SPARC: variants seen among roughly 807,000 people sequenced by gnomAD.
SPARC encodes the protein basement-membrane protein 40.
A neutral mutation model predicts 37.7 loss-of-function variants in SPARC; 23 were observed. That is an observed-to-expected ratio of 0.61 (90% CI 0.44 to 0.87). SPARC has a LOEUF of 0.87. SPARC is among the 40% of genes least tolerant of loss of function. The pLI is 0.00. For synonymous variants in SPARC, 155 were observed against 150.8 expected (o/e 1.03, Z -0.20); for missense variants, 312 against 389.0 (o/e 0.80, Z 1.66).
intron 7 of SPARC, among the ~76,000 whole-genome samples, chr5:151,666,975 G>A (rs2113087179): frequency 6.6e-6 from 1 of 152,314 alleles, no homozygotes; most frequent in Non-Finnish European, 1.5e-5. Context: ...AGTGAACCGA[G>A]ATCGCACCAC....
intron 1 of SPARC, among the ~76,000 whole-genome samples, chr5:151,677,817 CAG>C (rs1320826873): frequency 6.6e-6 from 1 of 152,158 alleles, no homozygotes; most frequent in Non-Finnish European, 1.5e-5. Context: ...CCCTATTGCA[CAG>C]AGTGAATGAA....
intron 1 of SPARC, among the ~76,000 whole-genome samples, chr5:151,683,152 G>C (rs1448125217): frequency 6.6e-6 from 1 of 152,166 alleles, no homozygotes. Context: ...AGGTCCTCAG[G>C]GTTGCTGAAA....
chr5:151,675,033 T>A (rs1400102539), intron 2 of SPARC, among the ~76,000 whole-genome samples: 1 of 152,234 alleles, frequency 6.6e-6, no homozygotes, highest in Non-Finnish European at 1.5e-5. Flanking sequence ...CCAGAGGGGA[T>A]GACACTGTGA....
chr5:151,664,318 G>GCCC lies in SPARC; in HGVS notation c.735-86_735-84dup, dbSNP rs1270681458. On this transcript the variant is annotated intron_variant, in intron 8 of 9. Coordinates refer to ENST00000231061, the MANE Select transcript of SPARC (RefSeq NM_003118.4). ...TGGGAGGCAACCGGGGAGTTAGCCT[G>GCCC]CCCCAGAGCATGGAGGAAAGGATAT... 3 of 1,281,408 alleles carry GCCC rather than the reference G, an allele frequency of 2.3e-6. No homozygotes were observed. In the African/African-American group the frequency reaches 4.4e-5, roughly 19 times the overall value. 79.4% of individuals were successfully genotyped at this position (1,281,408 alleles called of 1,614,324 possible).
chr5:151,671,445 G>A, intron 5 of SPARC, 128 bp downstream of exon 5: 1 of 1,144,302 alleles, frequency 8.7e-7, no homozygotes, highest in African/African-American at 1.6e-5. Flanking sequence ...CTGGGACTAG[G>A]TCTAGCAAGG....
Position 151,680,738 on chromosome 5 carries a change from G to A in SPARC, c.-13-4537C>T, listed in dbSNP as rs555186911. On this transcript the variant is annotated intron_variant, in intron 1 of 9. Transcript: ENST00000231061. ...ACTTTACCTCTTGGGGCCTCAATTT[G>A]TTCCCCAATGTGTAAAATGGAAACA... Among the ~76,000 whole-genome samples, 9 of 152,268 alleles carry A rather than the reference G, an allele frequency of 5.9e-5. No homozygotes were observed. In the South Asian group the frequency reaches 1.9e-3, roughly 32 times the overall value.
At chr5:151,681,168 G>A (rs1394775547) in intron 1 of SPARC, among the ~76,000 whole-genome samples, 3 of 152,242 alleles carry the variant, frequency 2.0e-5, no homozygotes, top group East Asian at 1.9e-4. Context: ...GCTAATAAAG[G>A]AAGCCAAGAG....
At chr5:151,663,663 G>C in intron 9 of SPARC, 64 bp from the exon 10 acceptor site, 1 of 1,543,680 alleles carries the variant, frequency 6.5e-7, no homozygotes. Flanking sequence ...CACTTCCCAA[G>C]GAGTCAGTGG....
rs537957878 is a variant in SPARC at position 151,664,539 on chromosome 5, T to C, written c.735-304A>G. Among the ~76,000 whole-genome samples, 6 of 152,298 alleles carry C rather than the reference T, an allele frequency of 3.9e-5. 1 individual carries two copies. Among genetic ancestry groups the C allele is most frequent in the African/African-American group, 1.4e-4 (6 of 41,558 alleles). On this transcript the variant is annotated intron_variant, in intron 8 of 9. Transcript: ENST00000231061. ...GTCTCAAAAACAAAGGTCTGTTTGGTGTATTTGATTGTTTCCTAATTGGCT... is the reference window on the plus strand; with the variant it reads ...GTCTCAAAAACAAAGGTCTGTTTGGCGTATTTGATTGTTTCCTAATTGGCT...
At chr5:151,682,370 G>A (rs1179473509) in intron 1 of SPARC, among the ~76,000 whole-genome samples, 1 of 152,214 alleles carries the variant, frequency 6.6e-6, no homozygotes, top group Non-Finnish European at 1.5e-5. Context: ...CACCGCTGCT[G>A]CATTGTGGTG....
rs1291437006 is a variant in SPARC at position 151,663,574 on chromosome 5, G to C, written c.909C>G (p.Ile303Met). The C allele has an allele frequency of 5.6e-6, 9 of 1,613,932 alleles. No homozygotes were observed. Among genetic ancestry groups the C allele is most frequent in the Non-Finnish European group, 7.6e-6 (9 of 1,179,800 alleles). The change falls in exon 10 of 10, where the codon ATC becomes ATG. Residue 303 changes from isoleucine to methionine, a missense_variant. Transcript: ENST00000231061. ...KQKDIDKDLV[I>M] ...CGGTACTGTGGAAGGAGTGGATTTA[G>C]ATCACAAGATCCTTGTCGATATCCT...
At chr5:151,677,598 G>A (rs1023157981) in intron 1 of SPARC, among the ~76,000 whole-genome samples, 1 of 152,134 alleles carries the variant, frequency 6.6e-6, no homozygotes, top group Non-Finnish European at 1.5e-5. Flanking sequence ...AATTGAAATG[G>A]GTAGACTAGG....
intron 9 of SPARC, 40 bp downstream of exon 9, chr5:151,664,046 GT>G: frequency 6.2e-7 from 1 of 1,612,992 alleles, no homozygotes; most frequent in East Asian, 2.2e-5. Context: ...TGGGAGCAGT[GT>G]TTCTGCCCAT....
intron 1 of SPARC, among the ~76,000 whole-genome samples, chr5:151,683,781 C>G (rs1272123576): frequency 6.6e-6 from 1 of 152,164 alleles, no homozygotes; most frequent in Non-Finnish European, 1.5e-5. Flanking sequence ...ATTCCTGGAA[C>G]TTGTCTGTAA....
intron 7 of SPARC, among the ~76,000 whole-genome samples, chr5:151,666,723 C>G (rs1445368875): frequency 6.6e-6 from 1 of 152,146 alleles, no homozygotes. Context: ...TATAGCTACC[C>G]ACATCAAAAT....
In SPARC at chr5:151,674,624, T is replaced by C. The variant is rs767895202; in HGVS notation, c.108A>G (p.Ala36=). The C allele has an allele frequency of 1.2e-6, 2 of 1,614,198 alleles. No individual in the cohort carries two copies. The highest frequency in any genetic ancestry group is 4.5e-5 in the East Asian group (2 of 44,886). Reference sequence around the variant, plus strand: ...ACTGCCCACATACCTCAGTCACCTCTGCCACAGTTTCTTCCACCACCTCTG... The same window carrying C: ...ACTGCCCACATACCTCAGTCACCTCCGCCACAGTTTCTTCCACCACCTCTG... The part of the protein sequence containing the change: ...DETEVVEETV[A]EVTEVSVGAN... Residue 36 remains alanine (A), a synonymous_variant, in exon 3 of 10, where the codon GCA becomes GCG. Coordinates refer to ENST00000231061, the MANE Select transcript of SPARC (RefSeq NM_003118.4).
intron 4 of SPARC, among the ~76,000 whole-genome samples, chr5:151,672,363 A>G (rs1200071174): frequency 6.6e-6 from 1 of 152,174 alleles, no homozygotes; most frequent in Admixed American, 6.5e-5. Context: ...GGGTGTTTTA[A>G]TAATCCTTTA....
chr5:151,664,578 A>C (rs925076280), intron 8 of SPARC, among the ~76,000 whole-genome samples: 3 of 152,242 alleles, frequency 2.0e-5, no homozygotes, highest in African/African-American at 7.2e-5. Context: ...AACTGGGGAC[A>C]CAGAAACTTA....
chr5:151,663,247 G>T lies in SPARC; in HGVS notation c.*324C>A. ...AAACAGAACACTAAAGAGAAAAGTT[G>T]AAGCTGCAATGTGTGTTTAAGGCAG... On this transcript the variant is annotated 3_prime_UTR_variant, in exon 10 of 10. Coordinates refer to ENST00000231061, the MANE Select transcript of SPARC (RefSeq NM_003118.4). The T allele has an allele frequency of 3.3e-6, 1 of 299,592 alleles. No homozygotes were observed. The highest frequency in any genetic ancestry group is 7.0e-5 in the East Asian group (1 of 14,186). The allele number at this position is 299,592 out of a possible 1,614,324, so 18.6% of individuals were successfully genotyped here.
Sources: allele counts gnomAD v4.1 joint callset (sites outside exome capture counted in the v4.1 genomes callset), GRCh38; gene constraint gnomAD v4.1.1; transcripts MANE v1.5; gene names NCBI Gene and HGNC (gene_info 2026-07-23, HGNC 2026-07-21).